The following GRIN2B variants were observed in gnomAD, a reference collection of about 807,000 sequenced individuals.
GRIN2B encodes glutamate ionotropic receptor NMDA type subunit 2B, also known as glutamate receptor ionotropic, NMDA 2B.
A neutral mutation model predicts 114.5 loss-of-function variants in GRIN2B; 5 were observed. The observed-to-expected ratio is 0.04, with a 90% CI of 0.02 to 0.09. The LOEUF is 0.09. Ranked by LOEUF, GRIN2B falls within the 10% of genes least tolerant of loss-of-function variation. The pLI is 1.00. For synonymous variants in GRIN2B, 787 were observed against 745.1 expected, an observed-to-expected ratio of 1.06 and a Z score of -0.92; for missense variants, 1,108 against 1,943.5, an observed-to-expected ratio of 0.57 and a Z score of 8.08.
chr12:13,854,369 G>A lies in GRIN2B; in HGVS notation c.411+11429C>T, dbSNP rs145054306. Reference sequence around the variant, plus strand: ...TATTAAAAACACAAAAAATAACTCGGTGTGGTGGTGAGTGCCTATAATCCC... The same window carrying A: ...TATTAAAAACACAAAAAATAACTCGATGTGGTGGTGAGTGCCTATAATCCC... On this transcript the variant is annotated intron_variant, in intron 3 of 13. Coordinates refer to ENST00000609686, the MANE Select transcript of GRIN2B (RefSeq NM_000834.5). Among the ~76,000 whole-genome samples, 386 of 152,170 alleles carry A rather than the reference G, an allele frequency of 2.5e-3. 1 individual carries two copies. The highest frequency in any genetic ancestry group is 4.3e-3 in the Non-Finnish European group (294 of 68,004).
chr12:13,548,845 A>G lies in GRIN2B; in HGVS notation c.*13938T>C, dbSNP rs1948378133. The G allele has an allele frequency of 6.6e-6, 1 of 151,888 alleles. No homozygotes were observed. Among genetic ancestry groups the G allele is most frequent in the Non-Finnish European group, 1.5e-5 (1 of 67,962 alleles). 9.4% of individuals were successfully genotyped at this position (151,888 alleles called of 1,614,324 possible). A position where few individuals can be genotyped will look rare whatever the true frequency, so the allele number is the denominator to read the frequency against. On this transcript the variant is annotated 3_prime_UTR_variant, in exon 14 of 14. Transcript: ENST00000609686. ...CATGGGAATAAAAGCTACCTCCTCCATTTCCTCCGATCATCTGAAACTAGC... is the reference window on the plus strand; with the variant it reads ...CATGGGAATAAAAGCTACCTCCTCCGTTTCCTCCGATCATCTGAAACTAGC...
In GRIN2B at chr12:13,563,974, G is replaced by A; in HGVS notation, c.3264C>T (p.Ser1088=). 6.2e-7 allele frequency: 1 copy of A among 1,614,210 alleles called. No homozygotes were observed. The highest frequency in any genetic ancestry group is 1.3e-5 in the African/African-American group (1 of 75,058). ...AKRRKQQYKD[S]LKKRPASAKS... Reference sequence around the variant, plus strand: ...TGGCCGAGGCAGGCCGCTTCTTCAGGCTGTCCTTATATTGCTGCTTACGCC... The same window carrying A: ...TGGCCGAGGCAGGCCGCTTCTTCAGACTGTCCTTATATTGCTGCTTACGCC... The change falls in exon 14 of 14, where the codon AGC becomes AGT. Residue 1088 remains serine, a synonymous_variant. Transcript: ENST00000609686.
At chr12:13,586,149 A>G (rs897313785) in intron 10 of GRIN2B, among the ~76,000 whole-genome samples, 5 of 152,232 alleles carry the variant, frequency 3.3e-5, no homozygotes, top group African/African-American at 4.8e-5. Context: ...ATTCTAAACT[A>G]TAGTCATTCA....
chr12:13,630,340 A>G, intron 5 of GRIN2B, among the ~76,000 whole-genome samples: 1 of 152,346 alleles, frequency 6.6e-6, no homozygotes, highest in East Asian at 1.9e-4. Flanking sequence ...TTTTATATCC[A>G]TTTATGGTAG....
intron 2 of GRIN2B, among the ~76,000 whole-genome samples, chr12:13,911,527 C>T (rs4764039): frequency 0.098 from 14,966 of 152,242 alleles, 1,421 homozygotes; most frequent in East Asian, 0.43. Context: ...TCCTTGGCTA[C>T]CTGTTTACCC....
At chr12:13,627,791 C>T (rs1034205292) in intron 5 of GRIN2B, among the ~76,000 whole-genome samples, 25 of 152,208 alleles carry the variant, frequency 1.6e-4, no homozygotes, top group African/African-American at 2.9e-4. Context: ...CACAGCCAAA[C>T]GCACTCAGCA....
intron 2 of GRIN2B, among the ~76,000 whole-genome samples, chr12:13,877,922 G>C (rs370064194): frequency 6.6e-6 from 1 of 151,856 alleles, no homozygotes; most frequent in Non-Finnish European, 1.5e-5. Context: ...AAATTAGCTG[G>C]GGGTAGTGGC....
At chr12:13,883,722 T>C (rs1866103961) in intron 2 of GRIN2B, among the ~76,000 whole-genome samples, 1 of 152,108 alleles carries the variant, frequency 6.6e-6, no homozygotes, top group African/African-American at 2.4e-5. Context: ...TTATAAATAT[T>C]TTCTCCCATT....
chr12:13,931,763 C>T (rs1483056838), intron 2 of GRIN2B, among the ~76,000 whole-genome samples: 2 of 152,166 alleles, frequency 1.3e-5, no homozygotes, highest in Non-Finnish European at 1.5e-5. Context: ...TATGCAACTG[C>T]ATAGTCATCC....
At chr12:13,605,913 CAT>C (rs1193201754) in intron 10 of GRIN2B, among the ~76,000 whole-genome samples, 1 of 152,164 alleles carries the variant, frequency 6.6e-6, no homozygotes, top group African/African-American at 2.4e-5. Context: ...TGACCCACCT[CAT>C]CTCTGCCATA....
intron 3 of GRIN2B, among the ~76,000 whole-genome samples, chr12:13,836,489 A>G (rs535139339): frequency 2.6e-4 from 39 of 152,308 alleles, no homozygotes; most frequent in African/African-American, 7.7e-4. Flanking sequence ...TTCAGGGAAG[A>G]GTTTTCTGCG....
chr12:13,809,685 AG>A (rs1392777338), intron 3 of GRIN2B, among the ~76,000 whole-genome samples: 6 of 152,192 alleles, frequency 3.9e-5, no homozygotes, highest in African/African-American at 1.4e-4. Flanking sequence ...ACCCACTAGA[AG>A]ATGAGTTCCT....
chr12:13,934,488 C>CA (rs1250793525), intron 2 of GRIN2B, among the ~76,000 whole-genome samples: 1 of 152,216 alleles, frequency 6.6e-6, no homozygotes, highest in Non-Finnish European at 1.5e-5. Context: ...GTAACTTACA[C>CA]AAGACTGCAG....
At chr12:13,733,829 G>A (rs1863131602) in intron 4 of GRIN2B, among the ~76,000 whole-genome samples, 1 of 152,174 alleles carries the variant, frequency 6.6e-6, no homozygotes, top group Non-Finnish European at 1.5e-5. Flanking sequence ...GGAACGTAGG[G>A]CTCACGTCTT....
intron 3 of GRIN2B, among the ~76,000 whole-genome samples, chr12:13,773,262 T>A (rs1466599487): frequency 1.3e-5 from 2 of 152,242 alleles, no homozygotes; most frequent in East Asian, 3.8e-4. Context: ...TTTTTAGGTC[T>A]AAAGTAGCTA....
chr12:13,893,104 G>C (rs1866290851), intron 2 of GRIN2B, among the ~76,000 whole-genome samples: 1 of 152,148 alleles, frequency 6.6e-6, no homozygotes, highest in African/African-American at 2.4e-5. Context: ...TCAATGACTA[G>C]CACTTGGCCC....
At chr12:13,757,510 G>C (rs1259804809) in intron 3 of GRIN2B, among the ~76,000 whole-genome samples, 1 of 152,108 alleles carries the variant, frequency 6.6e-6, no homozygotes, top group Non-Finnish European at 1.5e-5. Flanking sequence ...GAAGGACAGA[G>C]ATATAATTCT....
intron 3 of GRIN2B, among the ~76,000 whole-genome samples, chr12:13,835,103 T>A (rs577638627): frequency 1.3e-5 from 2 of 152,228 alleles, no homozygotes; most frequent in Non-Finnish European, 2.9e-5. Flanking sequence ...TTCCCCATTT[T>A]TATAACAGAC....
intron 3 of GRIN2B, among the ~76,000 whole-genome samples, chr12:13,760,094 A>T (rs1270244380): frequency 1.3e-5 from 2 of 152,210 alleles, no homozygotes. Flanking sequence ...CTCACTTTTC[A>T]TAGGCATATC....
Sources: gnomAD v4.1 joint callset for allele counts (sites outside exome capture counted in the v4.1 genomes callset) on GRCh38, gnomAD v4.1.1 for gene constraint, MANE v1.5 for transcripts, NCBI Gene and HGNC (gene_info 2026-07-23, HGNC 2026-07-21) for gene names.